The following GVQW3 variants were observed in gnomAD, a reference collection of about 807,000 sequenced individuals.
GVQW3 encodes protein GVQW3.
A neutral mutation model predicts 12.5 loss-of-function variants in GVQW3; 7 were observed. The ratio of observed to expected loss-of-function variants is 0.56; its 90% CI spans 0.32 to 1.05. The LOEUF is 1.05. Ranked by LOEUF, GVQW3 falls within the 50% of genes least tolerant of loss-of-function variation. The pLI is 0.04. For synonymous variants in GVQW3, 71 were observed against 67.2 expected (o/e 1.06, Z -0.28); for missense variants, 188 against 190.8 (o/e 0.99, Z 0.09).
intron 1 of GVQW3, among the ~76,000 whole-genome samples, chr11:76,387,886 G>A (rs1213447616): frequency 6.6e-6 from 1 of 152,160 alleles, no homozygotes; most frequent in East Asian, 1.9e-4. Flanking sequence ...TCGTGCTACT[G>A]CACTACAGCC....
downstream of GVQW3, chr11:76,411,497 G>A (rs957050782): frequency 6.6e-6 from 1 of 152,254 alleles, no homozygotes; most frequent in Non-Finnish European, 1.5e-5. Context: ...GAACTTTGGA[G>A]AGAGAAATGA....
rs1301979692 is a variant in GVQW3 at position 76,381,491 on chromosome 11, C to T, written c.-338C>T. On this transcript the variant is annotated 5_prime_UTR_variant, in exon 1 of 2. Transcript: ENST00000529331. Reference sequence around the variant, plus strand: ...CCACTTAGGCCTTTCTTGCAGAATTCGCCATATACTCCTTAAGGGCCGCGG... The same window carrying T: ...CCACTTAGGCCTTTCTTGCAGAATTTGCCATATACTCCTTAAGGGCCGCGG... 6 of 223,054 alleles carry T rather than the reference C, an allele frequency of 2.7e-5. No individual in the cohort carries two copies. The highest frequency in any genetic ancestry group is 1.0e-4 in the Admixed American group (2 of 19,080). 13.8% of individuals were successfully genotyped at this position (223,054 alleles called of 1,614,324 possible).
chr11:76,397,525 C>T (rs771765980), intron 1 of GVQW3, among the ~76,000 whole-genome samples: 4 of 152,130 alleles, frequency 2.6e-5, no homozygotes, highest in South Asian at 2.1e-4. Flanking sequence ...TTCTTGTATT[C>T]ACTGGTATGC....
At chr11:76,395,972 A>G (rs911908580) in intron 1 of GVQW3, among the ~76,000 whole-genome samples, 1 of 152,174 alleles carries the variant, frequency 6.6e-6, no homozygotes, top group Non-Finnish European at 1.5e-5. Flanking sequence ...GATGTTAGGA[A>G]TAGGAAGTGG....
At chr11:76,409,846 G>A (rs978126991), downstream of GVQW3, among the ~76,000 whole-genome samples, 1 of 152,122 alleles carries the variant, frequency 6.6e-6, no homozygotes, top group Non-Finnish European at 1.5e-5. Flanking sequence ...ATGCTTATTT[G>A]GAATTGAAAA....
chr11:76,391,362 G>A (rs1054342213), intron 1 of GVQW3, among the ~76,000 whole-genome samples: 2 of 152,204 alleles, frequency 1.3e-5, no homozygotes, highest in African/African-American at 2.4e-5. Flanking sequence ...CTAGAAGACC[G>A]AAACGGCTGT....
intron 1 of GVQW3, among the ~76,000 whole-genome samples, chr11:76,386,634 G>C (rs1946837272): frequency 6.6e-6 from 1 of 152,158 alleles, no homozygotes; most frequent in South Asian, 2.1e-4. Context: ...CGTTGGGATT[G>C]GGTCTCAGCA....
downstream of GVQW3, chr11:76,410,787 G>A (rs1947074304): frequency 2.0e-5 from 3 of 152,250 alleles, no homozygotes; most frequent in African/African-American, 7.2e-5. Context: ...AGGGCAGAGG[G>A]GAACATGCAT....
intron 1 of GVQW3, among the ~76,000 whole-genome samples, chr11:76,391,765 C>T (rs1019216095): frequency 1.3e-5 from 2 of 152,054 alleles, no homozygotes; most frequent in African/African-American, 4.8e-5. Flanking sequence ...ACCAACCTGG[C>T]CAACATGGTA....
intron 1 of GVQW3, chr11:76,392,613 GC>G (rs762554699): frequency 9.2e-5 from 14 of 152,224 alleles, no homozygotes; most frequent in Middle Eastern, 3.4e-3. Context: ...TTAAAATCAT[GC>G]TCACCCTTGT....
downstream of GVQW3, among the ~76,000 whole-genome samples, chr11:76,409,526 T>G (rs6592633): frequency 0.59 from 89,078 of 152,014 alleles, 26,307 homozygotes; most frequent in South Asian, 0.65. Flanking sequence ...TGTGTCAGGA[T>G]GTAGTTCAAG....
chr11:76,403,596 A>T, intron 1 of GVQW3, 64 bp from the exon 2 acceptor site: 1 of 437,064 alleles, frequency 2.3e-6, no homozygotes, highest in Non-Finnish European at 4.0e-6. Flanking sequence ...CAGCCTCCTG[A>T]GTAGGTGGAA....
intron 1 of GVQW3, among the ~76,000 whole-genome samples, chr11:76,387,187 G>C (rs1946842989): frequency 2.6e-5 from 4 of 152,116 alleles, no homozygotes; most frequent in Admixed American, 2.6e-4. Flanking sequence ...TGTAATCCCA[G>C]CACTTTGGGA....
chr11:76,396,564 C>T (rs1479963634), intron 1 of GVQW3, among the ~76,000 whole-genome samples: 1 of 152,182 alleles, frequency 6.6e-6, no homozygotes, highest in East Asian at 1.9e-4. Flanking sequence ...GTCATCCCAC[C>T]TTGGCCTCCT....
chr11:76,398,421 C>A (rs1946959240), intron 1 of GVQW3, among the ~76,000 whole-genome samples: 1 of 152,176 alleles, frequency 6.6e-6, no homozygotes, highest in Admixed American at 6.5e-5. Context: ...AAGTGATTCT[C>A]ATGCCTCAGC....
Position 76,405,532 on chromosome 11 carries a change from T to A in GVQW3, c.*1774T>A, listed in dbSNP as rs1947031207. ...CAAAAGGCACAGTTAGAGCCACACA[T>A]CAGACTCATTTCTTTCTGACTGAAG... On this transcript the variant is annotated 3_prime_UTR_variant, in exon 2 of 2. Transcript: ENST00000529331. 1 of 152,252 alleles carries A rather than the reference T, an allele frequency of 6.6e-6. No individual in the cohort carries two copies. Among genetic ancestry groups the A allele is most frequent in the African/African-American group, 2.4e-5 (1 of 41,454 alleles). The allele number at this position is 152,252 out of a possible 1,614,324, so 9.4% of individuals were successfully genotyped here. A position where few individuals can be genotyped will look rare whatever the true frequency, so the allele number is the denominator to read the frequency against.
chr11:76,391,681 C>T (rs527714399), intron 1 of GVQW3, among the ~76,000 whole-genome samples: 108 of 152,252 alleles, frequency 7.1e-4, no homozygotes, highest in African/African-American at 2.4e-3. Context: ...AGGCTGGGTG[C>T]GGTGGCTCAT....
rs1232010243 is a variant in GVQW3, at chr11:76,396,632, ACAGCCAGTGTTTAT to A, written c.466-7027_466-7014del. 4.6e-5 allele frequency among the ~76,000 whole-genome samples: 7 copies of A among 152,172 alleles called. No individual in the cohort carries two copies. In the South Asian group the frequency reaches 1.2e-3, roughly 27 times the overall value. On this transcript the variant is annotated intron_variant, in intron 1 of 1. Coordinates refer to ENST00000529331, the MANE Select transcript of GVQW3 (RefSeq NM_001347885.2). ...GCCTGGGCTCAAATTAGATGTTTTA[ACAGCCAGTGTTTAT>A]TTAGATTTATAAACCTGCATACCGG...
At chr11:76,400,635 G>T (rs1051172649) in intron 1 of GVQW3, among the ~76,000 whole-genome samples, 1 of 151,834 alleles carries the variant, frequency 6.6e-6, no homozygotes, top group African/African-American at 2.4e-5. Context: ...GGCCAGACTG[G>T]TCTTGAACTC....
Sources: gnomAD v4.1 joint callset for allele counts (sites outside exome capture counted in the v4.1 genomes callset) on GRCh38, gnomAD v4.1.1 for gene constraint, MANE v1.5 for transcripts, NCBI Gene and HGNC (gene_info 2026-07-23, HGNC 2026-07-21) for gene names.